VTI1A: variants seen among roughly 807,000 people sequenced by gnomAD.
VTI1A encodes the protein vesicle transport through interaction with t-SNAREs homolog 1A.
VTI1A carries 22 observed loss-of-function variants against 34.9 expected under a neutral mutation model. The observed-to-expected ratio is 0.63, with a 90% confidence interval of 0.45 to 0.90. The LOEUF (loss-of-function observed/expected upper bound fraction) is 0.90. Ranked by LOEUF, VTI1A falls within the 40% of genes least tolerant of loss-of-function variation. VTI1A has a pLI of 0.00. For missense variants in VTI1A, 268 were observed against 275.6 expected (o/e 0.97, Z 0.20); for synonymous variants, 87 against 97.3 (o/e 0.89, Z 0.62).
At chr10:112,643,983 G>A (rs1314940083) in intron 5 of VTI1A, among the ~76,000 whole-genome samples, 6 of 137,462 alleles carry the variant, frequency 4.4e-5, no homozygotes, top group Admixed American at 2.9e-4. Flanking sequence ...ATGAATAGGA[G>A]GTAAAAAAAA....
chr10:112,844,571 G>A, the VTI1A span, among the ~76,000 whole-genome samples: 6 of 152,182 alleles, frequency 3.9e-5, no homozygotes, highest in South Asian at 2.1e-4. Context: ...GCTAATTTTC[G>A]TATTTTTAGT....
chr10:112,486,645 C>CAGAATATAAGTTGTATATTCTTA (rs1848638344), intron 3 of VTI1A, among the ~76,000 whole-genome samples: 1 of 140,214 alleles, frequency 7.1e-6, no homozygotes, highest in Non-Finnish European at 1.5e-5. Context: ...AATAATATCA[C>CAGAATATAAGTTGTATATTCTTA]AGAATATACA....
the VTI1A span, among the ~76,000 whole-genome samples, chr10:112,853,559 G>A: frequency 1.3e-5 from 2 of 152,132 alleles, no homozygotes; most frequent in East Asian, 3.8e-4. Context: ...GTAATGGACT[G>A]TACCCACATT....
intron 3 of VTI1A, among the ~76,000 whole-genome samples, chr10:112,517,586 C>T (rs1373014231): frequency 1.3e-5 from 2 of 151,984 alleles, no homozygotes; most frequent in African/African-American, 2.4e-5. Context: ...TAAACACTAC[C>T]TCAGCCAAGT....
chr10:112,627,638 TATATG>T (rs1319674051), intron 5 of VTI1A, among the ~76,000 whole-genome samples: 1 of 152,184 alleles, frequency 6.6e-6, no homozygotes, highest in Non-Finnish European at 1.5e-5. Flanking sequence ...TGTGTCAATA[TATATG>T]CACACATACA....
intron 5 of VTI1A, among the ~76,000 whole-genome samples, chr10:112,662,640 G>T (rs10885369): frequency 0.4 from 60,352 of 151,862 alleles, 12,950 homozygotes; most frequent in East Asian, 0.73. Context: ...GATCTATTGG[G>T]ATACTCATAT....
intron 5 of VTI1A, among the ~76,000 whole-genome samples, chr10:112,608,291 C>CAT (rs1266366213): frequency 3.3e-5 from 5 of 152,054 alleles, no homozygotes; most frequent in East Asian, 1.9e-4. Flanking sequence ...CATACATATG[C>CAT]ATATATATAT....
chr10:112,715,968 T>C (rs1849596414), intron 7 of VTI1A, among the ~76,000 whole-genome samples: 1 of 152,186 alleles, frequency 6.6e-6, no homozygotes, highest in East Asian at 1.9e-4. Flanking sequence ...TTACCAAACC[T>C]ACTCTGAGCA....
intron 5 of VTI1A, among the ~76,000 whole-genome samples, chr10:112,551,243 CAAAAAAAAA>C (rs1161935841): frequency 4.5e-5 from 1 of 22,074 alleles, no homozygotes; most frequent in South Asian, 2.1e-3. Context: ...TACTCCATCT[CAAAAAAAAA>C]AAAAAAAAAA....
At chr10:112,738,858 A>G (rs895593662) in intron 7 of VTI1A, among the ~76,000 whole-genome samples, 7 of 152,078 alleles carry the variant, frequency 4.6e-5, no homozygotes, top group Admixed American at 4.6e-4. Flanking sequence ...ATGGAAGAGA[A>G]ATGCTTTATC....
intron 7 of VTI1A, among the ~76,000 whole-genome samples, chr10:112,762,319 G>T (rs1033279702): frequency 6.6e-6 from 1 of 152,164 alleles, no homozygotes; most frequent in African/African-American, 2.4e-5. Flanking sequence ...GTGAAATCAG[G>T]GGTGAAGTTG....
chr10:112,822,259 C>T (rs1355362427), downstream of VTI1A, among the ~76,000 whole-genome samples: 1 of 152,182 alleles, frequency 6.6e-6, no homozygotes, highest in Non-Finnish European at 1.5e-5. Context: ...CTGGCCAGGA[C>T]CCCGTTCTTC....
chr10:112,621,311 A>G (rs1845724857), intron 5 of VTI1A, among the ~76,000 whole-genome samples: 1 of 152,212 alleles, frequency 6.6e-6, no homozygotes, highest in Admixed American at 6.5e-5. Flanking sequence ...AAGAAGTAAC[A>G]TTCCTTTTTT....
rs149257120 is a variant in VTI1A, at chr10:112,550,538, G to A, written c.427+12208G>A. Among the ~76,000 whole-genome samples the A allele has an allele frequency of 5.3e-5, 8 of 152,158 alleles. No individual in the cohort carries two copies. In the South Asian group the frequency reaches 6.2e-4, roughly 12 times the overall value. ...TGTGTGCTCTACATTTGAAGCTTTC[G>A]TCTGTATTTCCTCTTGGGCTACAGT... On this transcript the variant is annotated intron_variant, in intron 5 of 7. Coordinates refer to ENST00000393077, the MANE Select transcript of VTI1A (RefSeq NM_145206.4).
chr10:112,764,987 A>G (rs112545457), intron 7 of VTI1A, among the ~76,000 whole-genome samples: 141 of 152,356 alleles, frequency 9.3e-4, no homozygotes, highest in African/African-American at 3.3e-3. Flanking sequence ...ACTGCATTTC[A>G]GAAAAGCTAC....
chr10:112,596,352 G>A (rs956667602), intron 5 of VTI1A, among the ~76,000 whole-genome samples: 1 of 151,928 alleles, frequency 6.6e-6, no homozygotes, highest in Admixed American at 6.6e-5. Flanking sequence ...ATAGTATGAA[G>A]ACTTTTTTAT....
At chr10:112,457,954 C>T (rs1354884213) in intron 1 of VTI1A, among the ~76,000 whole-genome samples, 1 of 151,778 alleles carries the variant, frequency 6.6e-6, no homozygotes, top group Non-Finnish European at 1.5e-5. Flanking sequence ...TTAGTTTGGG[C>T]AAAGGAAGGG....
chr10:112,546,340 G>A (rs538517458), intron 5 of VTI1A, among the ~76,000 whole-genome samples: 1 of 152,172 alleles, frequency 6.6e-6, no homozygotes, highest in East Asian at 1.9e-4. Flanking sequence ...GCTGAGGTGG[G>A]AAGACTGCTT....
At chr10:112,779,725 T>A (rs1393567955) in intron 7 of VTI1A, among the ~76,000 whole-genome samples, 2 of 152,238 alleles carry the variant, frequency 1.3e-5, no homozygotes, top group Admixed American at 6.5e-5. Flanking sequence ...TTGTATTTTC[T>A]TGTTTCTGGC....
Sources: gnomAD v4.1 joint callset for allele counts (sites outside exome capture counted in the v4.1 genomes callset) on GRCh38, gnomAD v4.1.1 for gene constraint, MANE v1.5 for transcripts, NCBI Gene and HGNC (gene_info 2026-07-23, HGNC 2026-07-21) for gene names.